Variants in PLCB4 observed in about 807,000 individuals in gnomAD.
PLCB4 encodes phospholipase C beta 4, also known as 1-phosphatidylinositol 4,5-bisphosphate phosphodiesterase beta-4.
A neutral mutation model predicts 178.8 loss-of-function variants in PLCB4; 77 were observed. The observed-to-expected ratio is 0.43, with a 90% confidence interval of 0.36 to 0.52. The LOEUF is 0.52. Among genes scored for constraint, PLCB4 ranks in the 20% least tolerant of loss-of-function variants. PLCB4 has a pLI of 0.00. For synonymous variants in PLCB4, 496 were observed against 490.8 expected, an observed-to-expected ratio of 1.01 and a Z score of -0.14; for missense variants, 1,024 against 1,453.4, an observed-to-expected ratio of 0.70 and a Z score of 4.80.
At chr20:9,257,635 A>G (rs2094250381) in intron 3 of PLCB4, among the ~76,000 whole-genome samples, 1 of 152,164 alleles carries the variant, frequency 6.6e-6, no homozygotes, top group Non-Finnish European at 1.5e-5. Flanking sequence ...AAAGATCTTC[A>G]TTTTGATGGG....
intron 28 of PLCB4, among the ~76,000 whole-genome samples, chr20:9,427,082 T>G (rs140058647): frequency 0.017 from 2,662 of 152,158 alleles, 36 homozygotes; most frequent in South Asian, 0.026. Flanking sequence ...AAAATTAGCC[T>G]GCCATGGTAG....
chr20:9,245,045 G>A (rs925569559), intron 3 of PLCB4, among the ~76,000 whole-genome samples: 8 of 152,252 alleles, frequency 5.3e-5, no homozygotes, highest in Admixed American at 1.3e-4. Flanking sequence ...TTGGCCAGTT[G>A]TAGGTTGAGG....
chr20:9,307,879 T>C lies in PLCB4; in HGVS notation c.65T>C (p.Val22Ala). 2.0e-6 allele frequency: 3 copies of C among 1,515,000 alleles called. No individual in the cohort carries two copies. Among genetic ancestry groups the C allele is most frequent in the Non-Finnish European group, 2.7e-6 (3 of 1,090,976 alleles). The allele number at this position is 1,515,000 out of a possible 1,614,324, so 93.8% of individuals were successfully genotyped here. ...EVPSFLQEGA[V>A]FDRYEEESFV... ...CCCTCCTTTTTGCAAGAAGGAGCAG[T>C]TTTTGACAGATACGAGGAGGTAAAG... The change falls in exon 4 of 40, where the codon GTT (valine) becomes GCT (alanine). Residue 22 changes from valine (V) to alanine (A), a missense_variant. By Grantham distance (64) the Val-to-Ala change is moderately conservative. This residue lies in a region of PLCB4 where 225 missense variants were observed against 291.0 expected (regional missense o/e 0.77). Coordinates refer to ENST00000378473, the MANE Select transcript of PLCB4 (RefSeq NM_001377142.1).
At chr20:9,296,427 A>G (rs1402717734) in intron 3 of PLCB4, among the ~76,000 whole-genome samples, 1 of 152,202 alleles carries the variant, frequency 6.6e-6, no homozygotes, top group East Asian at 1.9e-4. Context: ...AAACTAGTTC[A>G]ACCATTGTGG....
At chr20:9,246,893 T>C (rs1943974137) in intron 3 of PLCB4, among the ~76,000 whole-genome samples, 1 of 152,162 alleles carries the variant, frequency 6.6e-6, no homozygotes, top group South Asian at 2.1e-4. Flanking sequence ...TATTAATACC[T>C]AGAACAAAAC....
intron 2 of PLCB4, among the ~76,000 whole-genome samples, chr20:9,114,805 G>T (rs147306720): frequency 6.6e-6 from 1 of 152,098 alleles, no homozygotes; most frequent in African/African-American, 2.4e-5. Context: ...CCTGAGTAAC[G>T]ACATTTCTTC....
chr20:9,271,510 G>A (rs1020647041), intron 3 of PLCB4, among the ~76,000 whole-genome samples: 31 of 152,178 alleles, frequency 2.0e-4, no homozygotes, highest in Middle Eastern at 3.4e-3. Flanking sequence ...TTGCATTTAA[G>A]CTTTCTGTCA....
intron 3 of PLCB4, among the ~76,000 whole-genome samples, chr20:9,287,338 G>A (rs1213425243): frequency 6.6e-6 from 1 of 151,910 alleles, no homozygotes; most frequent in Non-Finnish European, 1.5e-5. Flanking sequence ...GTTATTACTG[G>A]CACTTGAACT....
At chr20:9,399,242 A>T (rs1263807244) in intron 19 of PLCB4, among the ~76,000 whole-genome samples, 1 of 152,216 alleles carries the variant, frequency 6.6e-6, no homozygotes, top group Non-Finnish European at 1.5e-5. Context: ...AAATAACCAC[A>T]TGATTTAGTA....
chr20:9,232,470 G>A (rs2093943565), intron 3 of PLCB4, among the ~76,000 whole-genome samples: 1 of 152,004 alleles, frequency 6.6e-6, no homozygotes, highest in African/African-American at 2.4e-5. Context: ...TGAAAACAGT[G>A]GGCAGGAATA....
At chr20:9,474,658 A>C (rs1230468414) in intron 38 of PLCB4, among the ~76,000 whole-genome samples, 1 of 151,594 alleles carries the variant, frequency 6.6e-6, no homozygotes, top group Non-Finnish European at 1.5e-5. Flanking sequence ...TATACTAAAA[A>C]GTACCTTTGA....
At chr20:9,465,969 A>G (rs1377991273) in intron 35 of PLCB4, among the ~76,000 whole-genome samples, 3 of 152,218 alleles carry the variant, frequency 2.0e-5, no homozygotes, top group Non-Finnish European at 4.4e-5. Flanking sequence ...AAGAGCCCTC[A>G]TTGCCAAGAC....
intron 17 of PLCB4, 96 bp from the exon 18 acceptor site, chr20:9,393,492 G>T: frequency 1.3e-6 from 1 of 756,612 alleles, no homozygotes; most frequent in Admixed American, 2.4e-5. Context: ...GTGTTGGGTT[G>T]CATCACTCCC....
At position 9,423,739 on chromosome 20, in the gene PLCB4, T is replaced by C; in HGVS notation, c.2320-9T>C. On this transcript the variant is annotated splice_polypyrimidine_tract_variant and intron_variant, in intron 27 of 39. Coordinates refer to ENST00000378473, the MANE Select transcript of PLCB4 (RefSeq NM_001377142.1). ...GGAAAAATCAGTGAAAGTCCTGTTC[T>C]GTTTGCAGGTGATCCTGCCGGACCT... 6.2e-7 allele frequency: 1 copy of C among 1,611,314 alleles called. No homozygotes were observed. Among genetic ancestry groups the C allele is most frequent in the East Asian group, 2.2e-5 (1 of 44,844 alleles).
intron 32 of PLCB4, among the ~76,000 whole-genome samples, chr20:9,447,356 G>A (rs1258044699): frequency 2.6e-5 from 4 of 152,158 alleles, no homozygotes; most frequent in African/African-American, 4.8e-5. Context: ...GTTGGCAGAT[G>A]GGGGACTGGC....
At chr20:9,334,736 G>A (rs1413009229) in intron 4 of PLCB4, among the ~76,000 whole-genome samples, 1 of 152,104 alleles carries the variant, frequency 6.6e-6, no homozygotes, top group Non-Finnish European at 1.5e-5. Flanking sequence ...CGTAGTGAGA[G>A]ATTGGCAGGG....
At chr20:9,086,210 G>T (rs1008591897) in intron 1 of PLCB4, among the ~76,000 whole-genome samples, 1 of 152,092 alleles carries the variant, frequency 6.6e-6, no homozygotes, top group African/African-American at 2.4e-5. Context: ...CGTGTATGTA[G>T]ATGAAAAAGG....
chr20:9,404,537 G>A (rs1239487599), intron 20 of PLCB4, among the ~76,000 whole-genome samples: 1 of 151,408 alleles, frequency 6.6e-6, no homozygotes, highest in Non-Finnish European at 1.5e-5. Flanking sequence ...CCCAAAAGGC[G>A]GAGGTTGCAG....
intron 21 of PLCB4, among the ~76,000 whole-genome samples, chr20:9,405,704 A>G (rs1177960459): frequency 6.6e-6 from 1 of 152,246 alleles, no homozygotes; most frequent in Non-Finnish European, 1.5e-5. Flanking sequence ...TTTACACTGC[A>G]TAACTTCTAA....
Sources: gnomAD v4.1 joint callset for allele counts (sites outside exome capture counted in the v4.1 genomes callset) on GRCh38, gnomAD v4.1.1 for gene constraint, gnomAD v4.1.1 regional missense constraint, MANE v1.5 for transcripts, NCBI Gene and HGNC (gene_info 2026-07-23, HGNC 2026-07-21) for gene names.